The following CNTNAP2 variants were observed in gnomAD, a reference collection of about 807,000 sequenced individuals.
The protein encoded by CNTNAP2 is contactin associated protein 2, also known as contactin-associated protein-like 2.
A neutral mutation model predicts 155.2 loss-of-function variants in CNTNAP2; 98 were observed. That is an observed-to-expected ratio of 0.63 (90% CI 0.54 to 0.75). The LOEUF (loss-of-function observed/expected upper bound fraction) is 0.75. Among genes scored for constraint, CNTNAP2 ranks in the 30% least tolerant of loss-of-function variants. The probability of loss-of-function intolerance (pLI) is 0.00; values close to 1 mark genes in which losing one functional copy is unlikely to be tolerated. For missense variants in CNTNAP2, 1,727 were observed against 1,688.1 expected (o/e 1.02, Z -0.40); for synonymous variants, 651 against 631.2 (o/e 1.03, Z -0.47).
At chr7:146,757,344 T>G (rs1428534499) in intron 1 of CNTNAP2, among the ~76,000 whole-genome samples, 1 of 152,148 alleles carries the variant, frequency 6.6e-6, no homozygotes, top group African/African-American at 2.4e-5. Context: ...AAAGAATTAT[T>G]TTTCATTGTT....
chr7:146,582,617 T>G (rs1027762153), intron 1 of CNTNAP2, among the ~76,000 whole-genome samples: 1 of 152,134 alleles, frequency 6.6e-6, no homozygotes, highest in African/African-American at 2.4e-5. Flanking sequence ...CATGGACAAC[T>G]CTAGAAAGCC....
intron 18 of CNTNAP2, among the ~76,000 whole-genome samples, chr7:148,198,747 C>T (rs1795319943): frequency 1.3e-5 from 2 of 152,204 alleles, no homozygotes; most frequent in Admixed American, 1.3e-4. Flanking sequence ...GGTGCTAGTT[C>T]AAAAACATGA....
intron 1 of CNTNAP2, among the ~76,000 whole-genome samples, chr7:146,510,995 C>A (rs2129135256): frequency 6.6e-6 from 1 of 152,242 alleles, no homozygotes; most frequent in East Asian, 1.9e-4. Context: ...CTCCCGGGTT[C>A]ACACCATTCT....
chr7:147,226,114 A>G (rs528919667), intron 8 of CNTNAP2, among the ~76,000 whole-genome samples: 4 of 152,292 alleles, frequency 2.6e-5, no homozygotes, highest in African/African-American at 9.6e-5. Flanking sequence ...TAGCCCCTCA[A>G]TGTCTTTGAG....
At chr7:147,243,357 T>C (rs1803986135) in intron 8 of CNTNAP2, among the ~76,000 whole-genome samples, 1 of 152,124 alleles carries the variant, frequency 6.6e-6, no homozygotes, top group African/African-American at 2.4e-5. Flanking sequence ...TAATTTTCTA[T>C]TTTTATGTTA....
intron 9 of CNTNAP2, among the ~76,000 whole-genome samples, chr7:147,389,283 C>A (rs554651482): frequency 3.9e-5 from 6 of 152,296 alleles, no homozygotes; most frequent in Admixed American, 3.9e-4. Context: ...TGGTTTTAAA[C>A]ATCCTTAAAG....
chr7:146,719,555 G>T (rs1050821364), intron 1 of CNTNAP2, among the ~76,000 whole-genome samples: 1 of 152,004 alleles, frequency 6.6e-6, no homozygotes, highest in Non-Finnish European at 1.5e-5. Context: ...CTTGCACTGT[G>T]GTTTTTGAGA....
At chr7:146,770,314 G>C (rs201701399) in intron 1 of CNTNAP2, among the ~76,000 whole-genome samples, 1 of 111,652 alleles carries the variant, frequency 9.0e-6, no homozygotes, top group South Asian at 2.8e-4. Flanking sequence ...ATATGTGTGT[G>C]TATACACACA....
chr7:147,258,541 G>A (rs971500045), intron 8 of CNTNAP2, among the ~76,000 whole-genome samples: 7 of 151,736 alleles, frequency 4.6e-5, no homozygotes, highest in African/African-American at 1.2e-4. Context: ...CTGTTCTCCC[G>A]TACTTGAAGA....
chr7:147,734,659 G>A (rs1351437359), intron 13 of CNTNAP2, among the ~76,000 whole-genome samples: 1 of 152,130 alleles, frequency 6.6e-6, no homozygotes, highest in Non-Finnish European at 1.5e-5. Flanking sequence ...ACATTTTTTG[G>A]TTGGTAAGCT....
intron 8 of CNTNAP2, among the ~76,000 whole-genome samples, chr7:147,197,338 C>G (rs141105423): frequency 6.6e-6 from 1 of 150,642 alleles, no homozygotes; most frequent in Non-Finnish European, 1.5e-5. Context: ...GGCCTGCCCC[C>G]CCGCCCCCCG....
intron 13 of CNTNAP2, among the ~76,000 whole-genome samples, chr7:147,841,891 C>A (rs144788362): frequency 1.3e-5 from 2 of 152,170 alleles, no homozygotes; most frequent in East Asian, 3.9e-4. Flanking sequence ...TGTGTACTTT[C>A]TTTTAAGAAA....
intron 15 of CNTNAP2, among the ~76,000 whole-genome samples, chr7:148,035,457 G>A (rs930463728): frequency 6.6e-6 from 1 of 152,118 alleles, no homozygotes; most frequent in Non-Finnish European, 1.5e-5. Context: ...AGCAGTCCTC[G>A]ACCACTCCAG....
chr7:147,581,556 C>T (rs1046666447), intron 12 of CNTNAP2, among the ~76,000 whole-genome samples: 2 of 152,064 alleles, frequency 1.3e-5, no homozygotes, highest in African/African-American at 4.8e-5. Context: ...AATATAAGAC[C>T]CCTGGTCAAC....
intron 1 of CNTNAP2, among the ~76,000 whole-genome samples, chr7:146,446,036 TA>T (rs575211631): frequency 1.1e-4 from 16 of 152,086 alleles, no homozygotes; most frequent in Non-Finnish European, 1.8e-4. Context: ...AGAATCACAT[TA>T]ACTCCAGAGC....
intron 13 of CNTNAP2, among the ~76,000 whole-genome samples, chr7:147,823,672 T>C (rs1300130597): frequency 6.6e-6 from 1 of 151,706 alleles, no homozygotes; most frequent in Non-Finnish European, 1.5e-5. Flanking sequence ...CTAAACACAT[T>C]AGCAGTAACC....
At chr7:146,462,125 T>G (rs1419187086) in intron 1 of CNTNAP2, among the ~76,000 whole-genome samples, 1 of 152,284 alleles carries the variant, frequency 6.6e-6, no homozygotes, top group East Asian at 1.9e-4. Flanking sequence ...ATAGGTGATA[T>G]GATCCAGAGA....
At chr7:146,904,878 A>G (rs1209637209) in intron 3 of CNTNAP2, among the ~76,000 whole-genome samples, 1 of 152,160 alleles carries the variant, frequency 6.6e-6, no homozygotes, top group Non-Finnish European at 1.5e-5. Context: ...AATTTTATGT[A>G]TGAGCAGATA....
chr7:146,421,007 TTA>T (rs2129113726), intron 1 of CNTNAP2, among the ~76,000 whole-genome samples: 1 of 152,140 alleles, frequency 6.6e-6, no homozygotes, highest in South Asian at 2.1e-4. Flanking sequence ...TTTTCGGCAT[TTA>T]TATGAGGGAT....
Sources: gnomAD v4.1 joint callset for allele counts (sites outside exome capture counted in the v4.1 genomes callset) on GRCh38, gnomAD v4.1.1 for gene constraint, MANE v1.5 for transcripts, NCBI Gene and HGNC (gene_info 2026-07-23, HGNC 2026-07-21) for gene names.